CREB5: variants seen among roughly 807,000 people sequenced by gnomAD.
The protein encoded by CREB5 is cAMP responsive element binding protein 5.
A neutral mutation model predicts 57.1 loss-of-function variants in CREB5; 19 were observed. That is an observed-to-expected ratio of 0.33 (90% CI 0.23 to 0.49). CREB5 has a LOEUF of 0.49. Ranked by LOEUF, CREB5 falls within the 20% of genes least tolerant of loss-of-function variation. CREB5 has a pLI of 0.99. For synonymous variants in CREB5, 238 were observed against 238.3 expected, an observed-to-expected ratio of 1.00 and a Z score of 0.01; for missense variants, 579 against 671.6, an observed-to-expected ratio of 0.86 and a Z score of 1.52.
At chr7:28,359,084 T>C (rs1174487923) in intron 1 of CREB5, among the ~76,000 whole-genome samples, 2 of 152,134 alleles carry the variant, frequency 1.3e-5, no homozygotes, top group African/African-American at 2.4e-5. Context: ...TTATTCCCAA[T>C]TTAAATTCTG....
intron 5 of CREB5, among the ~76,000 whole-genome samples, chr7:28,645,598 T>C (rs567022248): frequency 1.3e-5 from 2 of 152,318 alleles, no homozygotes; most frequent in East Asian, 3.9e-4. Flanking sequence ...GAGATTTTTG[T>C]TTTTCTTAAT....
At chr7:28,406,437 T>C (rs888538591) in intron 1 of CREB5, among the ~76,000 whole-genome samples, 1 of 152,120 alleles carries the variant, frequency 6.6e-6, no homozygotes, top group African/African-American at 2.4e-5. Context: ...ACCTCGGGGG[T>C]TGGCTGTGTC....
chr7:28,743,601 A>G (rs930311335), intron 7 of CREB5, among the ~76,000 whole-genome samples: 1 of 152,162 alleles, frequency 6.6e-6, no homozygotes, highest in African/African-American at 2.4e-5. Context: ...TGTTAGCGAT[A>G]TCCCAACAAC....
chr7:28,339,338 A>G (rs1034986352), intron 1 of CREB5, among the ~76,000 whole-genome samples: 1 of 152,146 alleles, frequency 6.6e-6, no homozygotes, highest in African/African-American at 2.4e-5. Context: ...CCATATTTGC[A>G]TTGGGGACAC....
At chr7:28,368,164 G>A (rs1583402029) in intron 1 of CREB5, among the ~76,000 whole-genome samples, 3 of 152,332 alleles carry the variant, frequency 2.0e-5, no homozygotes, top group African/African-American at 7.2e-5. Context: ...AATACCGCAT[G>A]TTCTCACTTA....
At chr7:28,453,126 A>G (rs1489060022) in intron 1 of CREB5, among the ~76,000 whole-genome samples, 2 of 152,186 alleles carry the variant, frequency 1.3e-5, no homozygotes, top group East Asian at 3.8e-4. Context: ...ATTTCTGTAT[A>G]TCTTAAAATC....
intron 1 of CREB5, among the ~76,000 whole-genome samples, chr7:28,321,283 C>G (rs1458259239): frequency 6.6e-6 from 1 of 152,100 alleles, no homozygotes; most frequent in African/African-American, 2.4e-5. Context: ...CTCTTTTCCT[C>G]TTCCTCCTCG....
intron 5 of CREB5, among the ~76,000 whole-genome samples, chr7:28,665,401 T>C (rs925780398): frequency 6.6e-6 from 1 of 152,166 alleles, no homozygotes; most frequent in Non-Finnish European, 1.5e-5. Context: ...CAAACAGTAA[T>C]GAGTCCAAAT....
intron 1 of CREB5, among the ~76,000 whole-genome samples, chr7:28,325,092 TTAA>T (rs1423002458): frequency 6.6e-6 from 1 of 152,218 alleles, no homozygotes; most frequent in Non-Finnish European, 1.5e-5. Context: ...AACTTCTCAA[TTAA>T]TTTCTTTGCT....
intron 5 of CREB5, among the ~76,000 whole-genome samples, chr7:28,626,524 G>C (rs944917302): frequency 1.3e-5 from 2 of 152,174 alleles, no homozygotes; most frequent in Non-Finnish European, 2.9e-5. Flanking sequence ...GCTACTAAGT[G>C]CTGTTTCTGG....
intron 7 of CREB5, among the ~76,000 whole-genome samples, chr7:28,743,841 T>TTC (rs1804525684): frequency 7.3e-6 from 1 of 136,056 alleles, no homozygotes; most frequent in East Asian, 2.2e-4. Flanking sequence ...TCCTTTTCTT[T>TTC]TTTTTTTTTT....
At chr7:28,420,722 C>T (rs1053246270) in intron 1 of CREB5, among the ~76,000 whole-genome samples, 1 of 147,212 alleles carries the variant, frequency 6.8e-6, no homozygotes, top group Non-Finnish European at 1.5e-5. Context: ...ACAGGAGTAT[C>T]GCTTGAAGGC....
At chr7:28,634,808 T>G (rs901096931) in intron 5 of CREB5, among the ~76,000 whole-genome samples, 21 of 152,234 alleles carry the variant, frequency 1.4e-4, no homozygotes, top group Non-Finnish European at 2.5e-4. Context: ...CTCTGATGGC[T>G]TCTTTTAATT....
At chr7:28,299,637 G>C (rs1398725) in intron 1 of CREB5, among the ~76,000 whole-genome samples, 1,972 of 152,216 alleles carry the variant, frequency 0.013, 40 homozygotes, top group African/African-American at 0.045. Flanking sequence ...ATATTCTTTT[G>C]TTATTGTCCT....
At chr7:28,641,654 A>G (rs1009776337) in intron 5 of CREB5, among the ~76,000 whole-genome samples, 3 of 152,178 alleles carry the variant, frequency 2.0e-5, no homozygotes, top group African/African-American at 4.8e-5. Flanking sequence ...TCACATTTCT[A>G]GCTACATCAT....
intron 5 of CREB5, among the ~76,000 whole-genome samples, chr7:28,617,923 A>T (rs1562529934): frequency 6.6e-6 from 1 of 152,254 alleles, no homozygotes; most frequent in Non-Finnish European, 1.5e-5. Flanking sequence ...CAGAGATGAC[A>T]GGAAGCCATT....
intron 5 of CREB5, among the ~76,000 whole-genome samples, chr7:28,574,221 G>A (rs1795819090): frequency 6.6e-6 from 1 of 152,208 alleles, no homozygotes. Flanking sequence ...CAGAAAACAA[G>A]CATGTATTAA....
At chr7:28,563,773 T>C (rs1490432102) in intron 4 of CREB5, among the ~76,000 whole-genome samples, 1 of 151,754 alleles carries the variant, frequency 6.6e-6, no homozygotes, top group Non-Finnish European at 1.5e-5. Context: ...TCCTCTCCTT[T>C]CTGAAGAGGT....
intron 1 of CREB5, among the ~76,000 whole-genome samples, chr7:28,367,959 C>T (rs1257025796): frequency 6.6e-6 from 1 of 152,212 alleles, no homozygotes; most frequent in Non-Finnish European, 1.5e-5. Context: ...GGACTTGATG[C>T]TTCCTACTGA....
Sources: gnomAD v4.1 joint callset for allele counts (sites outside exome capture counted in the v4.1 genomes callset) on GRCh38, gnomAD v4.1.1 for gene constraint, MANE v1.5 for transcripts, NCBI Gene and HGNC (gene_info 2026-07-23, HGNC 2026-07-21) for gene names.